The following LSAMP variants were observed in gnomAD, a reference collection of about 807,000 sequenced individuals.
LSAMP encodes limbic system associated membrane protein.
Under a neutral mutation model 38.6 loss-of-function variants are expected in LSAMP, and 7 were observed. The ratio of observed to expected loss-of-function variants is 0.18; its 90% CI spans 0.10 to 0.34. The LOEUF is 0.34. LSAMP is among the 10% of genes least tolerant of loss of function. LSAMP has a pLI of 1.00. For missense variants in LSAMP, 313 were observed against 420.0 expected (o/e 0.75, Z 2.23); for synonymous variants, 154 against 166.8 (o/e 0.92, Z 0.59).
At chr3:115,942,303 T>C (rs1205516111) in intron 3 of LSAMP, among the ~76,000 whole-genome samples, 1 of 152,192 alleles carries the variant, frequency 6.6e-6, no homozygotes, top group Non-Finnish European at 1.5e-5. Context: ...CTCCTTTATA[T>C]AGAAACCTGT....
intron 2 of LSAMP, among the ~76,000 whole-genome samples, chr3:116,051,774 C>A (rs1290847751): frequency 6.6e-6 from 1 of 151,934 alleles, no homozygotes; most frequent in African/African-American, 2.4e-5. Context: ...CCTCTCTTGT[C>A]ATGGCTACCA....
chr3:116,047,183 A>G (rs1217465633), intron 2 of LSAMP, among the ~76,000 whole-genome samples: 2 of 152,206 alleles, frequency 1.3e-5, no homozygotes, highest in African/African-American at 2.4e-5. Flanking sequence ...CAACGAATAC[A>G]TTTAAAAGAT....
At chr3:116,190,202 C>T (rs1014489367) in intron 1 of LSAMP, among the ~76,000 whole-genome samples, 2 of 151,878 alleles carry the variant, frequency 1.3e-5, no homozygotes, top group African/African-American at 4.8e-5. Context: ...ATTCCAAATT[C>T]CTGGATGGTG....
intron 1 of LSAMP, among the ~76,000 whole-genome samples, chr3:116,194,104 T>A (rs1249880223): frequency 6.6e-6 from 1 of 152,082 alleles, no homozygotes; most frequent in Non-Finnish European, 1.5e-5. Flanking sequence ...TAAAAGCACA[T>A]CACATTAGGA....
chr3:116,158,059 A>T (rs1709797332), intron 1 of LSAMP, among the ~76,000 whole-genome samples: 1 of 152,154 alleles, frequency 6.6e-6, no homozygotes, highest in Admixed American at 6.6e-5. Flanking sequence ...ACATACACAA[A>T]TCAATAAATG....
At chr3:115,927,334 C>A (rs1937515434) in intron 3 of LSAMP, among the ~76,000 whole-genome samples, 2 of 152,304 alleles carry the variant, frequency 1.3e-5, no homozygotes, top group South Asian at 4.1e-4. Context: ...CTGGCTATGG[C>A]AGCTGACTTG....
At chr3:115,913,929 AAG>A in intron 3 of LSAMP, among the ~76,000 whole-genome samples, 1 of 152,054 alleles carries the variant, frequency 6.6e-6, no homozygotes, top group African/African-American at 2.4e-5. Context: ...AGACCTTGAA[AAG>A]AGAGTTCCAG....
At position 116,201,923 on chromosome 3, in the gene LSAMP, A is replaced by G. The variant is rs560593210; in HGVS notation, c.156-115367T>C. Reference sequence around the variant, plus strand: ...AAACACCAGTAGTGTTTTCCATTCTATTACTCAGAAAACCTTAACATTTCC... The same window carrying G: ...AAACACCAGTAGTGTTTTCCATTCTGTTACTCAGAAAACCTTAACATTTCC... On this transcript the variant is annotated intron_variant, in intron 1 of 6. Coordinates refer to ENST00000490035, the MANE Select transcript of LSAMP (RefSeq NM_002338.5). Among the ~76,000 whole-genome samples the G allele has an allele frequency of 2.0e-5, 3 of 152,218 alleles. No homozygotes were observed. In the South Asian group the frequency reaches 6.2e-4, roughly 32 times the overall value.
chr3:116,237,883 C>T (rs2046485923), intron 1 of LSAMP, among the ~76,000 whole-genome samples: 1 of 152,150 alleles, frequency 6.6e-6, no homozygotes, highest in African/African-American at 2.4e-5. Context: ...AGGGCCAGTA[C>T]AAATAAATCT....
chr3:116,033,872 G>A (rs1013179152), intron 2 of LSAMP, among the ~76,000 whole-genome samples: 3 of 152,096 alleles, frequency 2.0e-5, no homozygotes, highest in South Asian at 4.1e-4. Flanking sequence ...TCAGCAGCTC[G>A]TCCACAAGGG....
intron 3 of LSAMP, among the ~76,000 whole-genome samples, chr3:115,942,354 C>G (rs1411591432): frequency 6.6e-6 from 1 of 152,138 alleles, no homozygotes; most frequent in Non-Finnish European, 1.5e-5. Flanking sequence ...CACCAACGGT[C>G]ATAATTCAAA....
chr3:116,416,557 C>T (rs1285381352), intron 1 of LSAMP, among the ~76,000 whole-genome samples: 1 of 152,182 alleles, frequency 6.6e-6, no homozygotes, highest in East Asian at 1.9e-4. Flanking sequence ...TGACAAACTA[C>T]CTCAAAACAC....
chr3:115,854,285 T>TTTA (rs72211736), intron 3 of LSAMP, among the ~76,000 whole-genome samples: 2 of 92,114 alleles, frequency 2.2e-5, no homozygotes, highest in East Asian at 2.5e-4. Flanking sequence ...TATTATTATT[T>TTTA]TTTTTTTTTT....
At chr3:116,355,980 A>G (rs566229858) in intron 1 of LSAMP, among the ~76,000 whole-genome samples, 1 of 152,312 alleles carries the variant, frequency 6.6e-6, no homozygotes, top group South Asian at 2.1e-4. Flanking sequence ...TGTTGGTGAG[A>G]ATGTAAATTA....
chr3:115,847,333 A>T lies in LSAMP; in HGVS notation c.650-4755T>A, dbSNP rs1433013174. Among the ~76,000 whole-genome samples the T allele has an allele frequency of 2.6e-5, 4 of 152,344 alleles. No homozygotes were observed. The East Asian group carries it at 7.7e-4, about 29-fold the overall frequency. On this transcript the variant is annotated intron_variant, in intron 4 of 6. Transcript: ENST00000490035. ...AGGCCATAAGAAACACATTGTCTGT[A>T]TAGAATTTAGAAATGATAATAAAAC...
chr3:115,850,834 T>A (rs571564355), intron 4 of LSAMP, among the ~76,000 whole-genome samples: 48 of 152,356 alleles, frequency 3.2e-4, no homozygotes, highest in African/African-American at 1.1e-3. Context: ...CATCCCAGCA[T>A]AGGCTGCGTA....
At chr3:116,114,223 A>G (rs75924095) in intron 1 of LSAMP, among the ~76,000 whole-genome samples, 1 of 152,124 alleles carries the variant, frequency 6.6e-6, no homozygotes, top group Non-Finnish European at 1.5e-5. Context: ...GGTATTCTTC[A>G]CTAATGAATA....
intron 1 of LSAMP, among the ~76,000 whole-genome samples, chr3:116,264,889 G>A (rs1485679489): frequency 6.6e-6 from 1 of 151,902 alleles, no homozygotes; most frequent in Non-Finnish European, 1.5e-5. Context: ...AAAAAAAAAA[G>A]AGTTTTCATA....
chr3:116,382,364 T>G (rs973583545), intron 1 of LSAMP, among the ~76,000 whole-genome samples: 3 of 152,088 alleles, frequency 2.0e-5, no homozygotes, highest in Non-Finnish European at 2.9e-5. Flanking sequence ...AGGACATGGA[T>G]GAAGCTGGAA....
Sources: allele counts gnomAD v4.1 joint callset (sites outside exome capture counted in the v4.1 genomes callset), GRCh38; gene constraint gnomAD v4.1.1; transcripts MANE v1.5; gene names NCBI Gene and HGNC (gene_info 2026-07-23, HGNC 2026-07-21).